The following ZBTB7C variants were observed in gnomAD, a reference collection of about 807,000 sequenced individuals.
ZBTB7C encodes zinc finger and BTB domain containing 7C.
ZBTB7C carries 8 observed loss-of-function variants against 25.7 expected under a neutral mutation model. The ratio of observed to expected loss-of-function variants is 0.31; its 90% CI spans 0.18 to 0.56. The LOEUF (loss-of-function observed/expected upper bound fraction) is 0.56. ZBTB7C is among the 20% of genes least tolerant of loss of function. ZBTB7C has a pLI of 0.91. For missense variants in ZBTB7C, 824 were observed against 855.2 expected (o/e 0.96, Z 0.46); for synonymous variants, 394 against 369.0 (o/e 1.07, Z -0.78).
intron 3 of ZBTB7C, among the ~76,000 whole-genome samples, chr18:48,089,800 C>G (rs555216566): frequency 0.028 from 4,175 of 151,354 alleles, 172 homozygotes; most frequent in African/African-American, 0.096. Context: ...CCTAAACAAA[C>G]AAACAAACAA....
At chr18:48,208,563 G>A (rs1316679396) in intron 2 of ZBTB7C, among the ~76,000 whole-genome samples, 1 of 152,182 alleles carries the variant, frequency 6.6e-6, no homozygotes, top group Admixed American at 6.5e-5. Context: ...TATGAGAGGT[G>A]TTGCTTTACA....
intron 2 of ZBTB7C, among the ~76,000 whole-genome samples, chr18:48,335,500 A>G (rs550870835): frequency 6.6e-6 from 1 of 152,340 alleles, no homozygotes. Flanking sequence ...TCCAGAGAAC[A>G]TAAGTCACCA....
chr18:48,299,484 A>G (rs1314998941), intron 2 of ZBTB7C, among the ~76,000 whole-genome samples: 1 of 152,206 alleles, frequency 6.6e-6, no homozygotes, highest in Non-Finnish European at 1.5e-5. Context: ...GGAAGTAACA[A>G]AGGAAGTGAA....
chr18:48,309,076 G>T (rs962378631), intron 2 of ZBTB7C, among the ~76,000 whole-genome samples: 1 of 152,296 alleles, frequency 6.6e-6, no homozygotes, highest in Non-Finnish European at 1.5e-5. Context: ...CCCCTCTCAG[G>T]CTTGGCCACA....
At chr18:48,079,727 C>A (rs893280495) in intron 3 of ZBTB7C, among the ~76,000 whole-genome samples, 1 of 152,238 alleles carries the variant, frequency 6.6e-6, no homozygotes, top group African/African-American at 2.4e-5. Context: ...TGGGCTCCAG[C>A]CCGCTGGAAA....
chr18:48,123,260 T>C (rs186309283), intron 3 of ZBTB7C, among the ~76,000 whole-genome samples: 1 of 152,188 alleles, frequency 6.6e-6, no homozygotes, highest in East Asian at 1.9e-4. Flanking sequence ...TACAAACGAA[T>C]GAGAAAAATG....
chr18:48,166,217 G>A (rs1473248450), intron 3 of ZBTB7C, among the ~76,000 whole-genome samples: 2 of 151,896 alleles, frequency 1.3e-5, no homozygotes, highest in African/African-American at 4.8e-5. Context: ...CTCTGTAACT[G>A]TTAAGCAATA....
At chr18:48,372,175 C>T (rs1490267146) in intron 1 of ZBTB7C, among the ~76,000 whole-genome samples, 1 of 152,200 alleles carries the variant, frequency 6.6e-6, no homozygotes, top group Admixed American at 6.5e-5. Context: ...AATTTTGGAG[C>T]AGGAAGAGCC....
chr18:48,318,962 G>T (rs941245679), intron 2 of ZBTB7C, among the ~76,000 whole-genome samples: 1 of 152,158 alleles, frequency 6.6e-6, no homozygotes, highest in African/African-American at 2.4e-5. Flanking sequence ...GTAAACACAA[G>T]GCCCAGCTGC....
chr18:48,260,693 G>A (rs1306764703), intron 2 of ZBTB7C, among the ~76,000 whole-genome samples: 3 of 152,304 alleles, frequency 2.0e-5, no homozygotes, highest in African/African-American at 2.4e-5. Context: ...TATCTGGTGC[G>A]AGAACTGTAG....
rs978655768 is a variant in ZBTB7C, at chr18:48,123,992, G to C, written c.-17+61942C>G. On this transcript the variant is annotated intron_variant, in intron 3 of 4. Coordinates refer to ENST00000590800, the MANE Select transcript of ZBTB7C (RefSeq NM_001318841.2). ...ACAGTGAGATGGTTTCTTTCCTGCAGGGCTCAGCCAGCCAGGAAATATGCC... is the reference window on the plus strand; with the variant it reads ...ACAGTGAGATGGTTTCTTTCCTGCACGGCTCAGCCAGCCAGGAAATATGCC... Among the ~76,000 whole-genome samples, 5 of 152,276 alleles carry C rather than the reference G, an allele frequency of 3.3e-5. No homozygotes were observed. In the East Asian group the frequency reaches 9.6e-4, roughly 29 times the overall value.
intron 2 of ZBTB7C, among the ~76,000 whole-genome samples, chr18:48,209,966 C>T (rs1037472289): frequency 2.0e-5 from 3 of 152,048 alleles, no homozygotes; most frequent in Non-Finnish European, 4.4e-5. Flanking sequence ...ACTCTCAGAA[C>T]TCAAAAATAA....
intron 2 of ZBTB7C, among the ~76,000 whole-genome samples, chr18:48,250,505 T>C (rs1241910692): frequency 6.6e-6 from 1 of 152,166 alleles, no homozygotes; most frequent in African/African-American, 2.4e-5. Flanking sequence ...TATCACTAAC[T>C]GTTGTCCTTG....
chr18:48,407,952 A>G (rs1308160165), intron 1 of ZBTB7C, among the ~76,000 whole-genome samples: 3 of 152,078 alleles, frequency 2.0e-5, no homozygotes, highest in African/African-American at 4.8e-5. Flanking sequence ...AACCCCGCCA[A>G]TGAAGAACAG....
intron 2 of ZBTB7C, among the ~76,000 whole-genome samples, chr18:48,254,640 C>T (rs914725480): frequency 1.3e-5 from 2 of 152,164 alleles, no homozygotes; most frequent in East Asian, 1.9e-4. Context: ...ACGACGAACC[C>T]CATGTATTTA....
chr18:48,087,850 G>C (rs1355717500), intron 3 of ZBTB7C: 1 of 100,600 alleles, frequency 9.9e-6, no homozygotes. Context: ...AAGTGGGTGG[G>C]GGGGGGGGGC....
chr18:48,390,861 T>G (rs1034862825), intron 1 of ZBTB7C, among the ~76,000 whole-genome samples: 5 of 152,224 alleles, frequency 3.3e-5, no homozygotes, highest in African/African-American at 9.6e-5. Flanking sequence ...CCCTCTCCTC[T>G]GCCTGAGGGC....
chr18:48,259,102 A>G (rs1212651106), intron 2 of ZBTB7C, among the ~76,000 whole-genome samples: 1 of 152,096 alleles, frequency 6.6e-6, no homozygotes, highest in African/African-American at 2.4e-5. Context: ...AGCTCATGCC[A>G]CCACACCCGG....
intron 3 of ZBTB7C, among the ~76,000 whole-genome samples, chr18:48,128,863 A>T (rs1022406739): frequency 6.6e-5 from 10 of 150,880 alleles, no homozygotes; most frequent in East Asian, 3.9e-4. Flanking sequence ...ATTGAAATAA[A>T]TTTTTTTTTT....
Sources: allele counts gnomAD v4.1 joint callset (sites outside exome capture counted in the v4.1 genomes callset), GRCh38; gene constraint gnomAD v4.1.1; transcripts MANE v1.5; gene names NCBI Gene and HGNC (gene_info 2026-07-23, HGNC 2026-07-21).